The following WDR76 variants were observed in gnomAD, a reference collection of about 807,000 sequenced individuals.
The protein encoded by WDR76 is WD repeat-containing protein 76.
In WDR76, 52 loss-of-function variants were observed where a neutral mutation model predicts 70.2. That is an observed-to-expected ratio of 0.74 (90% CI 0.59 to 0.93). The LOEUF (loss-of-function observed/expected upper bound fraction) is 0.93. Among genes scored for constraint, WDR76 ranks in the 40% least tolerant of loss-of-function variants. The probability of loss-of-function intolerance (pLI) is 0.00; values close to 1 mark genes in which losing one functional copy is unlikely to be tolerated. For synonymous variants in WDR76, 292 were observed against 271.1 expected (o/e 1.08, Z -0.76); for missense variants, 756 against 760.2 (o/e 0.99, Z 0.07).
Position 43,842,616 on chromosome 15 carries a change from C to G in WDR76, c.835-12C>G. 5.6e-6 allele frequency: 9 copies of G among 1,608,744 alleles called. No individual in the cohort carries two copies. Among genetic ancestry groups the G allele is most frequent in the Non-Finnish European group, 7.6e-6 (9 of 1,178,216 alleles). ...TACTAACTTAGTTCTTTCATCTCTC[C>G]CAATGTTTCAGCCAAGTAGTAAGAA... On this transcript the variant is annotated splice_polypyrimidine_tract_variant and intron_variant, in intron 6 of 12. Coordinates refer to ENST00000263795, the MANE Select transcript of WDR76 (RefSeq NM_024908.4).
At chr15:43,842,837 G>A (rs1176399474) in intron 7 of WDR76, among the ~76,000 whole-genome samples, 166 bp downstream of exon 7, 1 of 151,910 alleles carries the variant, frequency 6.6e-6, no homozygotes, top group Non-Finnish European at 1.5e-5. Flanking sequence ...AATACCACTA[G>A]GATATAAGCT....
intron 5 of WDR76, among the ~76,000 whole-genome samples, 196 bp from the exon 6 acceptor site, chr15:43,842,219 A>C (rs933486370): frequency 6.6e-6 from 1 of 152,198 alleles, no homozygotes; most frequent in Non-Finnish European, 1.5e-5. Flanking sequence ...AAATGAGATA[A>C]TACATGTTAT....
At chr15:43,846,368 C>T (rs1353653507) in intron 8 of WDR76, among the ~76,000 whole-genome samples, 1 of 148,754 alleles carries the variant, frequency 6.7e-6, no homozygotes, top group Admixed American at 6.7e-5. Context: ...TCACTGCAGC[C>T]TCAACTTCCC....
intron 6 of WDR76, 21 bp from the exon 7 acceptor site, chr15:43,842,588 ACATACTAACTTAGTTCTTT>A (rs759036682): frequency 6.3e-7 from 1 of 1,598,480 alleles, no homozygotes; most frequent in Non-Finnish European, 8.5e-7. Context: ...AAAAATATAT[ACATACTAACTTAGTTCTTT>A]CATCTCTCCC....
At position 43,839,657 on chromosome 15, in the gene WDR76, C is replaced by G; in HGVS notation, c.661C>G (p.Leu221Val). ...TGGATGTAGAAGGTCAATGCGATTACTAAAAGTTGATCCTTCGGGAGTTTC... is the reference window on the plus strand; with the variant it reads ...TGGATGTAGAAGGTCAATGCGATTAGTAAAAGTTGATCCTTCGGGAGTTTC... ...GIGCRRSMRL[L>V]KVDPSGVSLP... The change falls in exon 5 of 13, where the codon CTA (leucine) becomes GTA (valine). Residue 221 changes from leucine (L) to valine (V), a missense_variant. Coordinates refer to ENST00000263795, the MANE Select transcript of WDR76 (RefSeq NM_024908.4). The G allele has an allele frequency of 6.2e-7, 1 of 1,612,674 alleles. No individual in the cohort carries two copies. The highest frequency in any genetic ancestry group is 8.5e-7 in the Non-Finnish European group (1 of 1,179,168).
chr15:43,862,218 A>G (rs1299344016), intron 12 of WDR76, among the ~76,000 whole-genome samples: 1 of 147,216 alleles, frequency 6.8e-6, no homozygotes, highest in Non-Finnish European at 1.5e-5. Context: ...GAAGTTGCGA[A>G]TAGTGTGTGA....
intron 2 of WDR76, among the ~76,000 whole-genome samples, chr15:43,834,141 T>G (rs1379477251): frequency 6.6e-6 from 1 of 152,172 alleles, no homozygotes; most frequent in Non-Finnish European, 1.5e-5. Context: ...TTTCTTTTCT[T>G]ACAGTATTTT....
At position 43,827,981 on chromosome 15, in the gene WDR76, A is replaced by T. The variant is rs1395807942; in HGVS notation, c.77A>T (p.Glu26Val). The change falls in exon 2 of 13, where the codon GAA becomes GTA. Residue 26 changes from glutamate to valine, a missense_variant. Coordinates refer to ENST00000263795, the MANE Select transcript of WDR76 (RefSeq NM_024908.4). The stretch of plus-strand genomic sequence containing the variant: ...TCTGAATAGGTAAATGAATATAAAG[A>T]AAATCAAAACATCGCTTATGTGTCT... ...RPQMKVNEYKENQNIAYVSLR... is the reference protein window; with the variant it reads ...RPQMKVNEYKVNQNIAYVSLR... 6.2e-7 allele frequency: 1 copy of T among 1,604,612 alleles called. No homozygotes were observed.
intron 4 of WDR76, among the ~76,000 whole-genome samples, chr15:43,838,669 C>T (rs1422232732): frequency 6.6e-6 from 1 of 151,988 alleles, no homozygotes; most frequent in Non-Finnish European, 1.5e-5. Context: ...TTATTTCGTT[C>T]TTTTTTTCTG....
At chr15:43,863,924 T>C (rs2088037616) in intron 12 of WDR76, 1 of 152,194 alleles carries the variant, frequency 6.6e-6, no homozygotes. Flanking sequence ...AGTGAGAAGG[T>C]GGGAAAGAGT....
chr15:43,848,963 T>C (rs1308130848), intron 8 of WDR76, among the ~76,000 whole-genome samples: 1 of 138,688 alleles, frequency 7.2e-6, no homozygotes, highest in African/African-American at 2.8e-5. Flanking sequence ...CCAAAAAAAC[T>C]GCATTTCAGA....
chr15:43,861,213 T>C, intron 11 of WDR76, 120 bp from the exon 12 acceptor site: 1 of 875,290 alleles, frequency 1.1e-6, no homozygotes, highest in South Asian at 1.5e-5. Flanking sequence ...CCTACATATT[T>C]TTAAGTGACA....
chr15:43,850,616 G>A (rs1202248605), intron 8 of WDR76, among the ~76,000 whole-genome samples: 1 of 152,068 alleles, frequency 6.6e-6, no homozygotes, highest in East Asian at 1.9e-4. Flanking sequence ...GCATTTAGAG[G>A]ACAAAGTATG....
chr15:43,831,023 G>C (rs911216613), intron 2 of WDR76, among the ~76,000 whole-genome samples: 4 of 152,036 alleles, frequency 2.6e-5, no homozygotes, highest in Non-Finnish European at 5.9e-5. Flanking sequence ...ACACCAGCCT[G>C]GGCGACAGAG....
chr15:43,839,202 AAGT>A (rs1283179192), intron 4 of WDR76, among the ~76,000 whole-genome samples: 8 of 152,166 alleles, frequency 5.3e-5, no homozygotes, highest in African/African-American at 1.9e-4. Flanking sequence ...TTTTCCCTAG[AAGT>A]AGTAGTTTTA....
chr15:43,829,040 T>G (rs1172195164), intron 2 of WDR76, among the ~76,000 whole-genome samples: 1 of 151,984 alleles, frequency 6.6e-6, no homozygotes, highest in African/African-American at 2.4e-5. Context: ...GTAGCTGGGA[T>G]TACAGGCGCG....
intron 4 of WDR76, among the ~76,000 whole-genome samples, chr15:43,838,500 T>C (rs1362595507): frequency 6.6e-6 from 1 of 152,248 alleles, no homozygotes; most frequent in Non-Finnish European, 1.5e-5. Flanking sequence ...ATTTATAGTT[T>C]TACTACCAGT....
At chr15:43,844,280 A>G (rs1386037627) in intron 8 of WDR76, among the ~76,000 whole-genome samples, 1 of 152,196 alleles carries the variant, frequency 6.6e-6, no homozygotes, top group Non-Finnish European at 1.5e-5. Flanking sequence ...TCATAAATTA[A>G]CTGCCAGAAA....
At chr15:43,855,064 C>T (rs552303067) in intron 9 of WDR76, among the ~76,000 whole-genome samples, 15 of 152,242 alleles carry the variant, frequency 9.9e-5, no homozygotes, top group African/African-American at 3.4e-4. Context: ...TGATTACTGT[C>T]CCCATAGTTT....
Sources: gnomAD v4.1 joint callset for allele counts (sites outside exome capture counted in the v4.1 genomes callset) on GRCh38, gnomAD v4.1.1 for gene constraint, MANE v1.5 for transcripts, NCBI Gene and HGNC (gene_info 2026-07-23, HGNC 2026-07-21) for gene names.